The following TENM1 variants were observed in gnomAD, a reference collection of about 807,000 sequenced individuals.
TENM1 encodes the protein teneurin transmembrane protein 1.
Under a neutral mutation model 174.8 loss-of-function variants are expected in TENM1, and 35 were observed. The ratio of observed to expected loss-of-function variants is 0.20; its 90% CI spans 0.15 to 0.27. TENM1 has a LOEUF of 0.27. TENM1 is among the 10% of genes least tolerant of loss of function. The pLI is 1.00. For missense variants in TENM1, 1,633 were observed against 2,130.1 expected (o/e 0.77, Z 4.59); for synonymous variants, 781 against 798.7 (o/e 0.98, Z 0.37).
At chrX:124,444,564 T>A (rs1392510026) in intron 23 of TENM1, among the ~76,000 whole-genome samples, 2 of 111,959 alleles carry the variant, frequency 1.8e-5, no homozygotes, top group Non-Finnish European at 3.8e-5. Context: ...GGACACCACC[T>A]CTTGTTTGAA....
At chrX:124,664,532 G>GAAAAAAAAAAAAAAAAAAAAAA (rs779501054) in intron 6 of TENM1, among the ~76,000 whole-genome samples, 1 of 29,262 alleles carries the variant, frequency 3.4e-5, no homozygotes, top group Non-Finnish European at 6.3e-5. Context: ...TAAAGCAAAA[G>GAAAAAAAAAAAAAAAAAAAAAA]AAAAAAAAAA....
chrX:124,991,372 G>C, the TENM1 span, among the ~76,000 whole-genome samples: 3 of 110,683 alleles, frequency 2.7e-5, no homozygotes, highest in Non-Finnish European at 5.7e-5. Context: ...GTTGAGGCAA[G>C]CACATCACAC....
intron 1 of TENM1, among the ~76,000 whole-genome samples, chrX:124,914,963 C>T (rs1255920156): frequency 8.9e-6 from 1 of 112,063 alleles, no homozygotes; most frequent in Non-Finnish European, 1.9e-5. Flanking sequence ...CACTCTCTTG[C>T]TTCTGCAACA....
At chrX:124,467,897 T>C (rs2061257791) in intron 22 of TENM1, among the ~76,000 whole-genome samples, 1 of 110,238 alleles carries the variant, frequency 9.1e-6, no homozygotes, top group Non-Finnish European at 1.9e-5. Context: ...TAGCTAGGAT[T>C]ACAGGCACAC....
chrX:124,891,588 G>A (rs2147559189), intron 3 of TENM1, among the ~76,000 whole-genome samples: 1 of 109,137 alleles, frequency 9.2e-6, no homozygotes, highest in Non-Finnish European at 1.9e-5. Flanking sequence ...GAACCCAGGA[G>A]GCAGAGGTTG....
At chrX:124,479,832 A>G (rs1019766905) in intron 22 of TENM1, among the ~76,000 whole-genome samples, 1 of 111,753 alleles carries the variant, frequency 8.9e-6, no homozygotes, top group Admixed American at 9.5e-5. Context: ...ACCCAGCCTA[A>G]TGTATTTTCT....
chrX:125,046,059 CA>C, the TENM1 span, among the ~76,000 whole-genome samples: 4 of 109,966 alleles, frequency 3.6e-5, no homozygotes, highest in Admixed American at 9.6e-5. Flanking sequence ...AAAACAGAAA[CA>C]AAAAAATATT....
intron 14 of TENM1, among the ~76,000 whole-genome samples, chrX:124,553,849 A>C (rs1318017837): frequency 8.9e-6 from 1 of 111,861 alleles, no homozygotes; most frequent in Non-Finnish European, 1.9e-5. Context: ...TTACGCCTGT[A>C]ATCCCAGCAC....
chrX:124,658,121 G>C (rs1299288005), intron 6 of TENM1, among the ~76,000 whole-genome samples: 1 of 111,587 alleles, frequency 9.0e-6, no homozygotes, highest in Non-Finnish European at 1.9e-5. Context: ...TGCTTTAAAG[G>C]GTTCAAAGGG....
chrX:124,490,830 A>C (rs1027291387), intron 20 of TENM1, among the ~76,000 whole-genome samples: 1 of 112,087 alleles, frequency 8.9e-6, no homozygotes. Context: ...AGAGGGGTAC[A>C]GGGGGATATT....
chrX:124,622,423 C>T (rs2050540238), intron 11 of TENM1, among the ~76,000 whole-genome samples: 1 of 112,295 alleles, frequency 8.9e-6, no homozygotes. Flanking sequence ...ATGATGCTCT[C>T]ACAATGATGT....
chrX:124,401,496 G>T (rs1432469045), intron 27 of TENM1, among the ~76,000 whole-genome samples: 1 of 112,174 alleles, frequency 8.9e-6, no homozygotes, highest in African/African-American at 3.2e-5. Flanking sequence ...AAATGATTCA[G>T]TCCAAGGTAT....
In TENM1 at chrX:124,507,918, T is replaced by A. The variant is rs73550473; in HGVS notation, c.3302-4215A>T. Among the ~76,000 whole-genome samples, 391 of 112,225 alleles carry A rather than the reference T, an allele frequency of 3.5e-3. 2 individuals carry two copies. Among genetic ancestry groups the A allele is most frequent in the African/African-American group, 0.012 (377 of 30,936 alleles). On this transcript the variant is annotated intron_variant, in intron 18 of 31. Coordinates refer to ENST00000422452, the Ensembl canonical transcript of TENM1. ...AATGTGAGAAATTTACATGTTACCT[T>A]CATGAACTCAGGGAACATCTAAAAA...
At chrX:124,654,620 G>T (rs901127072) in intron 6 of TENM1, among the ~76,000 whole-genome samples, 5 of 111,656 alleles carry the variant, frequency 4.5e-5, no homozygotes, top group African/African-American at 1.6e-4. Context: ...AAGGTGTAGG[G>T]TATGTGTCTA....
chrX:125,202,607 A>G, the TENM1 span, among the ~76,000 whole-genome samples: 2 of 111,126 alleles, frequency 1.8e-5, no homozygotes, highest in African/African-American at 3.3e-5. Flanking sequence ...GATCTGCTCA[A>G]CCCGAAGCTG....
At chrX:124,780,118 A>C (rs2054875054) in intron 3 of TENM1, among the ~76,000 whole-genome samples, 1 of 112,089 alleles carries the variant, frequency 8.9e-6, no homozygotes, top group Non-Finnish European at 1.9e-5. Context: ...ATACTTATTT[A>C]GTGCATAAAA....
At chrX:124,703,777 A>C (rs1323341383) in intron 5 of TENM1, among the ~76,000 whole-genome samples, 1 of 112,050 alleles carries the variant, frequency 8.9e-6, no homozygotes, top group Non-Finnish European at 1.9e-5. Context: ...ATAAACACAC[A>C]TGTTGGGTTA....
At chrX:125,099,220 G>A in the TENM1 span, among the ~76,000 whole-genome samples, 2 of 111,799 alleles carry the variant, frequency 1.8e-5, no homozygotes, top group South Asian at 7.5e-4. Flanking sequence ...TGTCTGTTTG[G>A]GTTTTTTTGT....
chrX:124,689,164 C>G (rs1381805282), intron 5 of TENM1, among the ~76,000 whole-genome samples: 1 of 111,478 alleles, frequency 9.0e-6, no homozygotes, highest in African/African-American at 3.3e-5. Flanking sequence ...TTCAGAGGAA[C>G]GAACACCCTC....
Sources: gnomAD v4.1 joint callset for allele counts (sites outside exome capture counted in the v4.1 genomes callset) on GRCh38, gnomAD v4.1.1 for gene constraint, MANE v1.5 for transcripts, NCBI Gene and HGNC (gene_info 2026-07-23, HGNC 2026-07-21) for gene names.